MT1M: variants seen among roughly 807,000 people sequenced by gnomAD.
MT1M encodes metallothionein 1M, also known as metallothionein-1M.
In MT1M, 11 loss-of-function variants were observed where a neutral mutation model predicts 8.5. The ratio of observed to expected loss-of-function variants is 1.29; its 90% CI spans 0.81 to 2.14. MT1M has a LOEUF of 2.14. Ranked by LOEUF, MT1M falls within the 30% of genes most tolerant of loss-of-function variation. The pLI, the probability that MT1M is intolerant of heterozygous loss-of-function variation, is 0.00. For synonymous variants in MT1M, 28 were observed against 30.0 expected, an observed-to-expected ratio of 0.93 and a Z score of 0.22; for missense variants, 84 against 76.6, an observed-to-expected ratio of 1.10 and a Z score of -0.36.
rs377007188 is a variant in MT1M at position 56,633,414 on chromosome 16, G to A, written c.94+9G>A. 8 of 1,614,114 alleles carry A rather than the reference G, an allele frequency of 5.0e-6. No homozygotes were observed. The highest frequency in any genetic ancestry group is 6.8e-6 in the Non-Finnish European group (8 of 1,180,048). On this transcript the variant is annotated intron_variant, in intron 2 of 2. Coordinates refer to ENST00000379818, the MANE Select transcript of MT1M (RefSeq NM_176870.3). Reference sequence around the variant, plus strand: ...CACCTCCTGCAAGAAGAGTGAGTGCGGGGCCATCTCCAGGAATCTGGGGCT... The same window carrying A: ...CACCTCCTGCAAGAAGAGTGAGTGCAGGGCCATCTCCAGGAATCTGGGGCT...
chr16:56,633,655 CT>C, intron 2 of MT1M, 95 bp from the exon 3 acceptor site: 5 of 1,601,292 alleles, frequency 3.1e-6, no homozygotes, highest in Non-Finnish European at 4.3e-6. Flanking sequence ...AAAGCTTCCT[CT>C]GGGTCTGGGT....
rs779680186 is a variant in MT1M at position 56,633,321 on chromosome 16, G to A, written c.29-19G>A. ...CTTCATCTCACTCACTGCCCACTGC[G>A]TTTTTCTCTTCCTTGCAGGTGTCTC... On this transcript the variant is annotated intron_variant, in intron 1 of 2. Transcript: ENST00000379818. 8 of 1,614,176 alleles carry A rather than the reference G, an allele frequency of 5.0e-6. No individual in the cohort carries two copies. The highest frequency in any genetic ancestry group is 2.2e-5 in the East Asian group (1 of 44,880).
intron 2 of MT1M, 81 bp downstream of exon 2, chr16:56,633,486 T>C: frequency 6.2e-7 from 1 of 1,613,884 alleles, no homozygotes; most frequent in South Asian, 1.1e-5. Flanking sequence ...GAGTGCATCC[T>C]TCTGGGGAAC....
At position 56,632,676 on chromosome 16, in the gene MT1M, G is replaced by A; in HGVS notation, c.-56G>A. 1.2e-6 allele frequency: 2 copies of A among 1,610,366 alleles called. No individual in the cohort carries two copies. Among genetic ancestry groups the A allele is most frequent in the Non-Finnish European group, 1.7e-6 (2 of 1,178,194 alleles). On this transcript the variant is annotated 5_prime_UTR_variant, in exon 1 of 3. Transcript: ENST00000379818. ...GGCGCTCCACCACGCCGTCCGGGTG[G>A]GCCTAGCAGTCGCTCCATTTATCGC...
In MT1M at chr16:56,633,351, G is replaced by A. The variant is rs189102229; in HGVS notation, c.40G>A (p.Ala14Thr). ...TCTCTTCCTTGCAGGTGTCTCCTGC[G>A]CCTGCACCGGCTCCTGCACGTGCAA... ...NCSCTTGVSC[A>T]CTGSCTCKEC... is the part of the protein sequence containing the mutation. The change falls in exon 2 of 3, where the codon GCC becomes ACC. Residue 14 changes from alanine (A) to threonine (T), a missense_variant. By Grantham distance (58) the Ala-to-Thr change is moderately conservative (BLOSUM62 0). Transcript: ENST00000379818. 14 of 1,614,126 alleles carry A rather than the reference G, an allele frequency of 8.7e-6. No individual in the cohort carries two copies. The highest frequency in any genetic ancestry group is 2.2e-5 in the East Asian group (1 of 44,874).
chr16:56,633,664 G>T (rs781762586), intron 2 of MT1M, 87 bp from the exon 3 acceptor site: 253 of 1,601,794 alleles, frequency 1.6e-4, no homozygotes, highest in Admixed American at 5.3e-4. Context: ...TCTGGGTCTG[G>T]GTTCTGAGCT....
At position 56,633,389 on chromosome 16, in the gene MT1M, C is replaced by T. The variant is rs1960315850; in HGVS notation, c.78C>T (p.Cys26=). The T allele has an allele frequency of 1.2e-6, 2 of 1,614,138 alleles. No homozygotes were observed. Among genetic ancestry groups the T allele is most frequent in the African/African-American group, 2.7e-5 (2 of 74,948 alleles). Reference sequence around the variant, plus strand: ...CCTGCACGTGCAAAGAGTGCAAATGCACCTCCTGCAAGAAGAGTGAGTGCG... The same window carrying T: ...CCTGCACGTGCAAAGAGTGCAAATGTACCTCCTGCAAGAAGAGTGAGTGCG... The part of the protein sequence containing the change: ...TGSCTCKECK[C]TSCKKSCCSC... Residue 26 remains cysteine, a synonymous_variant, in exon 2 of 3, where the codon TGC becomes TGT. Coordinates refer to ENST00000379818, the MANE Select transcript of MT1M (RefSeq NM_176870.3).
At chr16:56,633,434 G>A in intron 2 of MT1M, 29 bp downstream of exon 2, 1 of 1,614,236 alleles carries the variant, frequency 6.2e-7, no homozygotes, top group Non-Finnish European at 8.5e-7. Context: ...CCAGGAATCT[G>A]GGGCTGTGGC....
In MT1M at chr16:56,633,895, A is replaced by T; in HGVS notation, c.*53A>T. Reference sequence around the variant, plus strand: ...TAATAGAACAAGCTGCACAACCTGGATTTTTTTTCAATACGATACTGAGCC... The same window carrying T: ...TAATAGAACAAGCTGCACAACCTGGTTTTTTTTTCAATACGATACTGAGCC... On this transcript the variant is annotated 3_prime_UTR_variant, in exon 3 of 3. Coordinates refer to ENST00000379818, the MANE Select transcript of MT1M (RefSeq NM_176870.3). The T allele has an allele frequency of 6.3e-7, 1 of 1,588,832 alleles. No individual in the cohort carries two copies. Among genetic ancestry groups the T allele is most frequent in the Non-Finnish European group, 8.6e-7 (1 of 1,160,124 alleles).
At chr16:56,633,056 G>A (rs1960310113) in intron 1 of MT1M, among the ~76,000 whole-genome samples, 1 of 152,168 alleles carries the variant, frequency 6.6e-6, no homozygotes, top group Admixed American at 6.5e-5. Context: ...GGGTGGACTG[G>A]GGGCTGGAGA....
At chr16:56,633,280 C>A (rs1960313145) in intron 1 of MT1M, 60 bp from the exon 2 acceptor site, 1 of 1,611,706 alleles carries the variant, frequency 6.2e-7, no homozygotes. Context: ...GACTCATTGA[C>A]CCATTGCTGT....
chr16:56,633,280 C>T, intron 1 of MT1M, 60 bp from the exon 2 acceptor site: 3 of 1,611,706 alleles, frequency 1.9e-6, no homozygotes, highest in Middle Eastern at 1.7e-4. Context: ...GACTCATTGA[C>T]CCATTGCTGT....
At chr16:56,633,209 C>T in intron 1 of MT1M, 131 bp from the exon 2 acceptor site, 2 of 1,443,256 alleles carry the variant, frequency 1.4e-6, no homozygotes, top group Non-Finnish European at 1.9e-6. Flanking sequence ...AGGACAGGGG[C>T]TTTCCCTGAG....
In MT1M at chr16:56,632,759, G is replaced by C; in HGVS notation, c.28G>C (p.Gly10Arg). The change falls in exon 1 of 3, where the codon GGT becomes CGT. Residue 10 changes from glycine (G) to arginine (R), a missense_variant and splice_region_variant. Coordinates refer to ENST00000379818, the MANE Select transcript of MT1M (RefSeq NM_176870.3). MDPNCSCTT[G>R]VSCACTGSCT... The stretch of plus-strand genomic sequence containing the variant: ...GGACCCCAACTGCTCCTGCACCACT[G>C]GTAAGAGAAGCCGACCCTGCGCCCT... 1 of 1,613,928 alleles carries C rather than the reference G, an allele frequency of 6.2e-7. No homozygotes were observed.
At position 56,633,891 on chromosome 16, in the gene MT1M, C is replaced by G. The variant is rs370463372; in HGVS notation, c.*49C>G. Reference sequence around the variant, plus strand: ...ATGTTAATAGAACAAGCTGCACAACCTGGATTTTTTTTCAATACGATACTG... The same window carrying G: ...ATGTTAATAGAACAAGCTGCACAACGTGGATTTTTTTTCAATACGATACTG... On this transcript the variant is annotated 3_prime_UTR_variant, in exon 3 of 3. Coordinates refer to ENST00000379818, the MANE Select transcript of MT1M (RefSeq NM_176870.3). 1 of 1,598,646 alleles carries G rather than the reference C, an allele frequency of 6.3e-7. No individual in the cohort carries two copies. Among genetic ancestry groups the G allele is most frequent in the Non-Finnish European group, 8.6e-7 (1 of 1,168,438 alleles).
Position 56,633,909 on chromosome 16 carries a change from C to T in MT1M, c.*67C>T, listed in dbSNP as rs566306542. On this transcript the variant is annotated 3_prime_UTR_variant, in exon 3 of 3. Transcript: ENST00000379818. ...GCACAACCTGGATTTTTTTTCAATA[C>T]GATACTGAGCCATTTGCTGCATTTC... 5.6e-5 allele frequency: 84 copies of T among 1,493,850 alleles called. No individual in the cohort carries two copies. The highest frequency in any genetic ancestry group is 2.7e-4 in the East Asian group (12 of 43,924). 92.5% of individuals were successfully genotyped at this position (1,493,850 alleles called of 1,614,324 possible).
chr16:56,632,901 C>A, intron 1 of MT1M, 142 bp downstream of exon 1: 1 of 1,118,624 alleles, frequency 8.9e-7, no homozygotes. Flanking sequence ...CCTGATCTCC[C>A]CTCTGAGAGC....
In MT1M at chr16:56,632,688, G is replaced by A. The variant is rs368840559; in HGVS notation, c.-44G>A. ...CGCCGTCCGGGTGGGCCTAGCAGTC[G>A]CTCCATTTATCGCTTGAGATCTCCA... is the stretch of plus-strand genomic sequence containing the variant. On this transcript the variant is annotated 5_prime_UTR_variant, in exon 1 of 3. Transcript: ENST00000379818. 4 of 1,612,090 alleles carry A rather than the reference G, an allele frequency of 2.5e-6. No homozygotes were observed. Among genetic ancestry groups the A allele is most frequent in the East Asian group, 2.2e-5 (1 of 44,878 alleles).
intron 2 of MT1M, 53 bp downstream of exon 2, chr16:56,633,458 G>C (rs1390706004): frequency 6.2e-7 from 1 of 1,614,108 alleles, no homozygotes; most frequent in African/African-American, 1.3e-5. Context: ...GATTGGGAGG[G>C]AACCCAAGGC....
Sources: gnomAD v4.1 joint callset for allele counts (sites outside exome capture counted in the v4.1 genomes callset) on GRCh38, gnomAD v4.1.1 for gene constraint, MANE v1.5 for transcripts, NCBI Gene and HGNC (gene_info 2026-07-23, HGNC 2026-07-21) for gene names.